Variants in ARHGAP26 observed in about 807,000 individuals in gnomAD.
ARHGAP26 encodes Rho GTPase activating protein 26.
In ARHGAP26, 38 loss-of-function variants were observed where a neutral mutation model predicts 104.8. That is an observed-to-expected ratio of 0.36 (90% CI 0.28 to 0.48). ARHGAP26 has a LOEUF of 0.48. Ranked by LOEUF, ARHGAP26 falls within the 20% of genes least tolerant of loss-of-function variation. The pLI is 0.99. For synonymous variants in ARHGAP26, 341 were observed against 340.0 expected (o/e 1.00, Z -0.03); for missense variants, 704 against 947.9 (o/e 0.74, Z 3.38).
intron 11 of ARHGAP26, among the ~76,000 whole-genome samples, chr5:142,990,460 A>G (rs1013478479): frequency 1.3e-5 from 2 of 152,166 alleles, no homozygotes; most frequent in African/African-American, 4.8e-5. Flanking sequence ...TCTTCTCTCA[A>G]CTTGTCAAAG....
rs1269778353 is a variant in ARHGAP26 at position 143,222,375 on chromosome 5, C to G, written c.2209C>G (p.Pro737Ala). ...VFDNVHPSQE[P>A]GWLEGTLNGK... Reference sequence around the variant, plus strand: ...CTGTACAGTTCACCCATCTCAGGAGCCTGGCTGGTTGGAGGGGACTCTGAA... The same window carrying G: ...CTGTACAGTTCACCCATCTCAGGAGGCTGGCTGGTTGGAGGGGACTCTGAA... Residue 737 changes from proline (P) to alanine (A), a missense_variant, in exon 23 of 23, where the codon CCT becomes GCT. Physicochemically the swap from Pro to Ala is conservative, Grantham distance 27. This residue lies in a region of ARHGAP26 where 217 missense variants were observed against 242.6 expected (regional missense o/e 0.89). Coordinates refer to ENST00000645722, the MANE Select transcript of ARHGAP26 (RefSeq NM_001135608.3). 4 of 1,602,974 alleles carry G rather than the reference C, an allele frequency of 2.5e-6. No individual in the cohort carries two copies. Among genetic ancestry groups the G allele is most frequent in the Non-Finnish European group, 1.7e-6 (2 of 1,172,634 alleles).
At chr5:142,775,531 C>T (rs942671725) in intron 1 of ARHGAP26, among the ~76,000 whole-genome samples, 3 of 152,090 alleles carry the variant, frequency 2.0e-5, no homozygotes, top group African/African-American at 7.2e-5. Flanking sequence ...GTATATAATG[C>T]AGTGGTTTTC....
At chr5:142,863,414 A>G (rs181439099) in intron 1 of ARHGAP26, among the ~76,000 whole-genome samples, 2 of 152,232 alleles carry the variant, frequency 1.3e-5, no homozygotes, top group East Asian at 3.9e-4. Context: ...GCCTCAAGTG[A>G]GTTCTTTTAA....
intron 20 of ARHGAP26, among the ~76,000 whole-genome samples, chr5:143,148,462 A>T (rs982879162): frequency 1.3e-5 from 2 of 152,256 alleles, no homozygotes; most frequent in African/African-American, 4.8e-5. Flanking sequence ...CTTAAGAGGT[A>T]CATAATAAAA....
At chr5:142,838,300 C>G (rs1341472849) in intron 1 of ARHGAP26, among the ~76,000 whole-genome samples, 1 of 151,822 alleles carries the variant, frequency 6.6e-6, no homozygotes, top group Non-Finnish European at 1.5e-5. Context: ...TTGATTGATT[C>G]TGTAGTAATG....
chr5:143,114,792 A>T (rs1414193596), intron 17 of ARHGAP26, among the ~76,000 whole-genome samples: 1 of 152,128 alleles, frequency 6.6e-6, no homozygotes, highest in Non-Finnish European at 1.5e-5. Context: ...GAAATGTCCC[A>T]TGGGATTGAC....
intron 1 of ARHGAP26, among the ~76,000 whole-genome samples, chr5:142,823,027 A>C (rs1010903861): frequency 6.6e-6 from 1 of 152,226 alleles, no homozygotes; most frequent in East Asian, 1.9e-4. Flanking sequence ...GCTTACCATC[A>C]AATAGGCACT....
At chr5:143,049,424 T>C (rs1784674336) in intron 14 of ARHGAP26, among the ~76,000 whole-genome samples, 1 of 152,222 alleles carries the variant, frequency 6.6e-6, no homozygotes, top group African/African-American at 2.4e-5. Flanking sequence ...CTTTTATTTC[T>C]ACTTTTCAGG....
intron 19 of ARHGAP26, among the ~76,000 whole-genome samples, chr5:143,141,306 C>A (rs1798507543): frequency 1.3e-5 from 2 of 152,128 alleles, no homozygotes; most frequent in Admixed American, 1.3e-4. Context: ...ACCAAGTGAA[C>A]AAAGCAGATA....
chr5:143,003,070 C>T (rs1368300148), intron 11 of ARHGAP26, among the ~76,000 whole-genome samples: 1 of 152,174 alleles, frequency 6.6e-6, no homozygotes, highest in African/African-American at 2.4e-5. Context: ...GTTTATGTAA[C>T]ACACAAATCA....
intron 20 of ARHGAP26, among the ~76,000 whole-genome samples, chr5:143,172,003 A>T (rs1373003263): frequency 6.6e-6 from 1 of 152,182 alleles, no homozygotes; most frequent in Non-Finnish European, 1.5e-5. Flanking sequence ...TTATTAAGTG[A>T]TGACTTTACA....
chr5:143,018,525 T>A (rs143733700), intron 12 of ARHGAP26, among the ~76,000 whole-genome samples: 1 of 152,350 alleles, frequency 6.6e-6, no homozygotes, highest in African/African-American at 2.4e-5. Flanking sequence ...GTATGAGATG[T>A]TCCATGAAGA....
intron 12 of ARHGAP26, among the ~76,000 whole-genome samples, chr5:143,022,783 A>C (rs530207765): frequency 6.6e-6 from 1 of 152,214 alleles, no homozygotes; most frequent in Non-Finnish European, 1.5e-5. Context: ...GTTGAGAAGT[A>C]GTGAAGCTCA....
At chr5:142,915,078 C>T (rs1202971648) in intron 10 of ARHGAP26, among the ~76,000 whole-genome samples, 4 of 152,118 alleles carry the variant, frequency 2.6e-5, no homozygotes, top group Admixed American at 1.3e-4. Context: ...AGAAGTTTCC[C>T]GAGAAGTTGC....
intron 11 of ARHGAP26, among the ~76,000 whole-genome samples, chr5:142,996,804 A>G (rs902022125): frequency 1.3e-5 from 2 of 152,188 alleles, no homozygotes; most frequent in African/African-American, 2.4e-5. Context: ...CACCATCTGC[A>G]TGGAGGCATT....
chr5:143,180,679 T>A (rs1804203188), intron 20 of ARHGAP26, among the ~76,000 whole-genome samples: 1 of 152,100 alleles, frequency 6.6e-6, no homozygotes, highest in Non-Finnish European at 1.5e-5. Flanking sequence ...GAAGAGTCCC[T>A]TATAAAACCA....
intron 8 of ARHGAP26, among the ~76,000 whole-genome samples, chr5:142,905,961 T>G (rs1761049042): frequency 6.6e-6 from 1 of 152,258 alleles, no homozygotes; most frequent in East Asian, 1.9e-4. Flanking sequence ...CATTTAGTTG[T>G]CATGACTTTA....
intron 11 of ARHGAP26, among the ~76,000 whole-genome samples, chr5:142,958,112 G>A (rs1024148017): frequency 2.6e-4 from 40 of 152,156 alleles, no homozygotes; most frequent in African/African-American, 9.6e-4. Flanking sequence ...TTTTTGTCAG[G>A]GAGCATTTTT....
At chr5:142,970,690 G>C (rs1598433611) in intron 11 of ARHGAP26, among the ~76,000 whole-genome samples, 1 of 152,216 alleles carries the variant, frequency 6.6e-6, no homozygotes, top group Non-Finnish European at 1.5e-5. Flanking sequence ...GTCATCTGGG[G>C]AGGAATGGTT....
Sources: allele counts gnomAD v4.1 joint callset (sites outside exome capture counted in the v4.1 genomes callset), GRCh38; gene constraint gnomAD v4.1.1; regional missense constraint gnomAD v4.1.1; transcripts MANE v1.5; gene names NCBI Gene and HGNC (gene_info 2026-07-23, HGNC 2026-07-21).